The following ATXN7L1 variants were observed in gnomAD, a reference collection of about 807,000 sequenced individuals.
The protein encoded by ATXN7L1 is ataxin 7 like 1, also known as ataxin-7-like protein 1.
ATXN7L1 carries 15 observed loss-of-function variants against 70.8 expected under a neutral mutation model. The ratio of observed to expected loss-of-function variants is 0.21; its 90% CI spans 0.14 to 0.33. The LOEUF (loss-of-function observed/expected upper bound fraction) is 0.33. Ranked by LOEUF, ATXN7L1 falls within the 10% of genes least tolerant of loss-of-function variation. The pLI is 1.00. For missense variants in ATXN7L1, 975 were observed against 1,097.1 expected (o/e 0.89, Z 1.57); for synonymous variants, 440 against 445.1 (o/e 0.99, Z 0.14).
At chr7:105,825,405 G>A (rs941731431) in intron 2 of ATXN7L1, among the ~76,000 whole-genome samples, 19 of 152,004 alleles carry the variant, frequency 1.2e-4, no homozygotes, top group Admixed American at 3.9e-4. Context: ...CAGGGGAATT[G>A]ATGGGTTTAT....
At chr7:105,655,952 G>A (rs1305359339) in intron 4 of ATXN7L1, among the ~76,000 whole-genome samples, 3 of 152,364 alleles carry the variant, frequency 2.0e-5, no homozygotes, top group East Asian at 3.9e-4. Context: ...TCCTGGAGCA[G>A]CGGGCTCATC....
chr7:105,793,802 C>T (rs1472869713), intron 2 of ATXN7L1, among the ~76,000 whole-genome samples: 2 of 152,214 alleles, frequency 1.3e-5, no homozygotes, highest in Non-Finnish European at 2.9e-5. Context: ...GTGATCTGGT[C>T]ACCCCCTGGC....
chr7:105,848,019 A>G (rs936480422), intron 2 of ATXN7L1, among the ~76,000 whole-genome samples: 4 of 152,230 alleles, frequency 2.6e-5, no homozygotes, highest in Admixed American at 2.6e-4. Flanking sequence ...GACATGGGTA[A>G]GTTAGCCTTA....
At chr7:105,619,146 T>TTTTTTTTTTTTTTC in intron 9 of ATXN7L1, among the ~76,000 whole-genome samples, 1 of 108,528 alleles carries the variant, frequency 9.2e-6, no homozygotes, top group Non-Finnish European at 1.9e-5. Flanking sequence ...TTTAGTTTTT[T>TTTTTTTTTTTTTTC]TTTTTTTTTT....
At chr7:105,611,992 G>A (rs1445811167) in intron 10 of ATXN7L1, among the ~76,000 whole-genome samples, 2 of 152,138 alleles carry the variant, frequency 1.3e-5, no homozygotes, top group East Asian at 1.9e-4. Flanking sequence ...AAATGCATCC[G>A]TTTTTTTGAA....
intron 7 of ATXN7L1, among the ~76,000 whole-genome samples, chr7:105,624,569 G>T (rs1795402625): frequency 6.8e-6 from 1 of 147,908 alleles, no homozygotes; most frequent in Admixed American, 6.9e-5. Context: ...GGAATTGCTT[G>T]AACCCGGGAG....
At chr7:105,806,331 T>C (rs1807597933) in intron 2 of ATXN7L1, among the ~76,000 whole-genome samples, 1 of 152,072 alleles carries the variant, frequency 6.6e-6, no homozygotes, top group Non-Finnish European at 1.5e-5. Context: ...ACCAGGGCCC[T>C]CTCTGCCCAG....
intron 3 of ATXN7L1, among the ~76,000 whole-genome samples, chr7:105,785,498 C>T (rs1181932500): frequency 6.6e-6 from 1 of 151,776 alleles, no homozygotes; most frequent in Non-Finnish European, 1.5e-5. Context: ...AAACAAATAA[C>T]AGATATGGAA....
At chr7:105,666,328 A>G (rs560994864) in intron 3 of ATXN7L1, among the ~76,000 whole-genome samples, 1 of 152,372 alleles carries the variant, frequency 6.6e-6, no homozygotes, top group African/African-American at 2.4e-5. Context: ...GAATAAATAA[A>G]TGAAATTATA....
At chr7:105,615,720 C>T (rs1793789405) in intron 9 of ATXN7L1, among the ~76,000 whole-genome samples, 1 of 152,102 alleles carries the variant, frequency 6.6e-6, no homozygotes. Context: ...CTAGTTTGTT[C>T]TGAAGATAAA....
chr7:105,655,599 G>A (rs540095731), intron 4 of ATXN7L1, among the ~76,000 whole-genome samples: 1 of 152,118 alleles, frequency 6.6e-6, no homozygotes, highest in African/African-American at 2.4e-5. Context: ...AGCCTGAGAC[G>A]ACTCTCTGTG....
intron 3 of ATXN7L1, among the ~76,000 whole-genome samples, chr7:105,741,054 G>A (rs1369039689): frequency 6.6e-6 from 1 of 152,068 alleles, no homozygotes; most frequent in Non-Finnish European, 1.5e-5. Context: ...GTGAGCCACC[G>A]CACCCGGCGG....
intron 2 of ATXN7L1, among the ~76,000 whole-genome samples, chr7:105,836,245 A>G (rs1466937799): frequency 6.6e-6 from 1 of 152,190 alleles, no homozygotes; most frequent in Non-Finnish European, 1.5e-5. Flanking sequence ...ACTGCACAGA[A>G]CATGGAGGTT....
intron 7 of ATXN7L1, among the ~76,000 whole-genome samples, chr7:105,632,180 C>T (rs998760654): frequency 1.3e-4 from 20 of 152,080 alleles, no homozygotes; most frequent in African/African-American, 4.6e-4. Flanking sequence ...CCCAACCAAA[C>T]ATCAAAGACA....
intron 2 of ATXN7L1, among the ~76,000 whole-genome samples, chr7:105,819,309 G>A (rs1016698324): frequency 5.3e-5 from 8 of 152,000 alleles, no homozygotes; most frequent in Non-Finnish European, 8.8e-5. Flanking sequence ...AGCCTCATAC[G>A]AGTTTGTACA....
chr7:105,798,532 C>T (rs771941275), intron 2 of ATXN7L1, among the ~76,000 whole-genome samples: 2 of 152,214 alleles, frequency 1.3e-5, no homozygotes, highest in Non-Finnish European at 2.9e-5. Context: ...ATTGGCTAGA[C>T]AGTGATGACC....
At chr7:105,733,549 TCCATCCACCCATCCATCCTTC>T (rs1796865803) in intron 3 of ATXN7L1, among the ~76,000 whole-genome samples, 4 of 122,054 alleles carry the variant, frequency 3.3e-5, no homozygotes, top group South Asian at 2.8e-4. Flanking sequence ...CACCCATCCA[TCCATCCACCCATCCATCCTTC>T]CATCCATCCA....
At chr7:105,822,453 GTCCACCTTCATA>G (rs1810302505) in intron 2 of ATXN7L1, among the ~76,000 whole-genome samples, 1 of 152,134 alleles carries the variant, frequency 6.6e-6, no homozygotes, top group Non-Finnish European at 1.5e-5. Flanking sequence ...TGTTTCATTT[GTCCACCTTCATA>G]TCATTACTTC....
intron 2 of ATXN7L1, among the ~76,000 whole-genome samples, chr7:105,874,701 G>C (rs567243865): frequency 6.6e-6 from 1 of 152,182 alleles, no homozygotes; most frequent in Non-Finnish European, 1.5e-5. Flanking sequence ...TCAGTGGATG[G>C]TCAGGAAATG....
Sources: allele counts gnomAD v4.1 joint callset (sites outside exome capture counted in the v4.1 genomes callset), GRCh38; gene constraint gnomAD v4.1.1; transcripts MANE v1.5; gene names NCBI Gene and HGNC (gene_info 2026-07-23, HGNC 2026-07-21).